ENTREP2: variants seen among roughly 807,000 people sequenced by gnomAD.
ENTREP2 encodes endosomal transmembrane epsin interactor 2.
At chr15:29,215,239 G>A in the ENTREP2 span, among the ~76,000 whole-genome samples, 1 of 152,098 alleles carries the variant, frequency 6.6e-6, no homozygotes, top group African/African-American at 2.4e-5. Flanking sequence ...ACAAAGTATT[G>A]ATCCTGAGTG....
the ENTREP2 span, among the ~76,000 whole-genome samples, chr15:29,427,063 C>G: frequency 2.6e-5 from 4 of 152,220 alleles, no homozygotes; most frequent in East Asian, 7.7e-4. Context: ...TCTTTTTGTT[C>G]TTTGACCCTA....
the ENTREP2 span, among the ~76,000 whole-genome samples, chr15:29,385,470 A>G: frequency 6.6e-6 from 1 of 152,166 alleles, no homozygotes; most frequent in African/African-American, 2.4e-5. Context: ...CTCCTACACA[A>G]AGCAAAAGAA....
chr15:29,328,668 C>T, the ENTREP2 span, among the ~76,000 whole-genome samples: 2 of 152,108 alleles, frequency 1.3e-5, no homozygotes, highest in Non-Finnish European at 2.9e-5. Flanking sequence ...CCACTACTCA[C>T]GTATTTTGAA....
At chr15:29,378,451 G>A in the ENTREP2 span, among the ~76,000 whole-genome samples, 1 of 152,224 alleles carries the variant, frequency 6.6e-6, no homozygotes, top group Non-Finnish European at 1.5e-5. Context: ...TAGTTTGGAT[G>A]TTGCTGTGAA....
chr15:29,672,147 C>A, the ENTREP2 span, among the ~76,000 whole-genome samples: 1 of 152,234 alleles, frequency 6.6e-6, no homozygotes, highest in African/African-American at 2.4e-5. Flanking sequence ...CCACCATACC[C>A]GGCTAATTTT....
At chr15:29,399,535 T>G in the ENTREP2 span, among the ~76,000 whole-genome samples, 1 of 152,194 alleles carries the variant, frequency 6.6e-6, no homozygotes, top group African/African-American at 2.4e-5. Context: ...GAAAATTCAG[T>G]ATGTTACCTG....
At chr15:29,429,370 C>A in the ENTREP2 span, among the ~76,000 whole-genome samples, 1 of 152,182 alleles carries the variant, frequency 6.6e-6, no homozygotes, top group Non-Finnish European at 1.5e-5. Context: ...CACAGGCACA[C>A]GCTACCACAC....
the ENTREP2 span, among the ~76,000 whole-genome samples, chr15:29,638,342 G>A: frequency 3.3e-5 from 5 of 152,278 alleles, no homozygotes; most frequent in South Asian, 1.0e-3. Flanking sequence ...CTATCCACAG[G>A]ATTCCAAGGG....
At chr15:29,545,741 T>C in the ENTREP2 span, among the ~76,000 whole-genome samples, 1 of 152,170 alleles carries the variant, frequency 6.6e-6, no homozygotes, top group Non-Finnish European at 1.5e-5. Flanking sequence ...CAAAGCAAAC[T>C]CTTCTGATGA....
the ENTREP2 span, among the ~76,000 whole-genome samples, chr15:29,539,474 C>A: frequency 1.3e-5 from 2 of 152,040 alleles, no homozygotes; most frequent in Non-Finnish European, 2.9e-5. Context: ...TCAGCAGGAG[C>A]CCCTGAATAT....
chr15:29,322,332 T>C, the ENTREP2 span, among the ~76,000 whole-genome samples: 1 of 152,210 alleles, frequency 6.6e-6, no homozygotes, highest in Non-Finnish European at 1.5e-5. Context: ...TACATTGTTA[T>C]TACCTATAGT....
the ENTREP2 span, among the ~76,000 whole-genome samples, chr15:29,360,312 T>C: frequency 6.6e-6 from 1 of 152,212 alleles, no homozygotes; most frequent in Admixed American, 6.5e-5. Flanking sequence ...TACCTCAGCA[T>C]ATTAGATTTT....
chr15:29,621,013 G>C, the ENTREP2 span, among the ~76,000 whole-genome samples: 1 of 152,120 alleles, frequency 6.6e-6, no homozygotes, highest in East Asian at 1.9e-4. Context: ...GGGTCTCATC[G>C]TGCTGCTCTC....
At chr15:29,356,292 ATATATTTTTTTTTTT>A in the ENTREP2 span, among the ~76,000 whole-genome samples, 1 of 59,396 alleles carries the variant, frequency 1.7e-5, no homozygotes, top group African/African-American at 6.7e-5. Flanking sequence ...ATATATATAT[ATATATTTTTTTTTTT>A]TTTTTTTTTT....
chr15:29,239,175 T>G, the ENTREP2 span, among the ~76,000 whole-genome samples: 2 of 152,176 alleles, frequency 1.3e-5, no homozygotes, highest in East Asian at 3.9e-4. Flanking sequence ...CAGGTAGACG[T>G]GGAAATAAGG....
the ENTREP2 span, among the ~76,000 whole-genome samples, chr15:29,355,505 T>A: frequency 0.014 from 2,012 of 141,086 alleles, 45 homozygotes; most frequent in African/African-American, 0.046. Flanking sequence ...GTGATACAAA[T>A]AAAAAAAAAA....
the ENTREP2 span, among the ~76,000 whole-genome samples, chr15:29,139,145 G>A: frequency 6.6e-6 from 1 of 152,108 alleles, no homozygotes; most frequent in African/African-American, 2.4e-5. Context: ...GTGAGGTGAC[G>A]ATTCTGAATG....
chr15:29,182,457 AAT>A, the ENTREP2 span, among the ~76,000 whole-genome samples: 1 of 152,218 alleles, frequency 6.6e-6, no homozygotes, highest in East Asian at 1.9e-4. Flanking sequence ...CTACTTTTCC[AAT>A]AAGGACAAAA....
At chr15:29,215,577 A>T in the ENTREP2 span, among the ~76,000 whole-genome samples, 28 of 144,722 alleles carry the variant, frequency 1.9e-4, no homozygotes, top group South Asian at 1.3e-3. Context: ...AAATATATAT[A>T]ATATATATAT....
Sources: gnomAD v4.1 joint callset for allele counts (sites outside exome capture counted in the v4.1 genomes callset) on GRCh38, gnomAD v4.1.1 for gene constraint, MANE v1.5 for transcripts, NCBI Gene and HGNC (gene_info 2026-07-23, HGNC 2026-07-21) for gene names.